VWA5A: variants seen among roughly 807,000 people sequenced by gnomAD.
VWA5A encodes von Willebrand factor A domain-containing protein 5A.
In VWA5A, 77 loss-of-function variants were observed where a neutral mutation model predicts 84.6. That is an observed-to-expected ratio of 0.91 (90% CI 0.76 to 1.10). VWA5A has a LOEUF of 1.10. Ranked by LOEUF, VWA5A falls within the 50% of genes least tolerant of loss-of-function variation. The probability of loss-of-function intolerance (pLI) is 0.00; values close to 1 mark genes in which losing one functional copy is unlikely to be tolerated. For missense variants in VWA5A, 973 were observed against 963.0 expected (o/e 1.01, Z -0.14); for synonymous variants, 334 against 350.1 (o/e 0.95, Z 0.51).
rs1864874284 is a variant in VWA5A at position 124,118,425 on chromosome 11, C to G, written c.469+14C>G. On this transcript the variant is annotated intron_variant, in intron 5 of 18. Transcript: ENST00000456829. ...ACCAGTTCTCTGGTGAGTACCTCTC[C>G]CCTTTGAATTCTAGTGGTGGGTGAC... 4.3e-6 allele frequency: 7 copies of G among 1,613,086 alleles called. No individual in the cohort carries two copies. The highest frequency in any genetic ancestry group is 2.2e-5 in the East Asian group (1 of 44,876).
chr11:124,123,567 ACT>A (rs1442417957), intron 9 of VWA5A, 91 bp from the exon 10 acceptor site: 60 of 1,609,710 alleles, frequency 3.7e-5, no homozygotes, highest in Non-Finnish European at 4.9e-5. Context: ...TTCGGATAAG[ACT>A]CTCTTTTAAT....
intron 9 of VWA5A, 98 bp from the exon 10 acceptor site, chr11:124,123,562 A>G: frequency 6.2e-7 from 1 of 1,609,830 alleles, no homozygotes; most frequent in Non-Finnish European, 8.5e-7. Context: ...GGGGTTTCGG[A>G]TAAGACTCTC....
chr11:124,144,886 G>A (rs569288788), intron 17 of VWA5A, among the ~76,000 whole-genome samples: 1 of 152,156 alleles, frequency 6.6e-6, no homozygotes, highest in South Asian at 2.1e-4. Flanking sequence ...TGGTGGGGGG[G>A]TATAAGGGTT....
intron 18 of VWA5A, 105 bp from the exon 19 acceptor site, chr11:124,145,761 A>G (rs1424652312): frequency 1.7e-6 from 2 of 1,174,044 alleles, no homozygotes; most frequent in African/African-American, 3.1e-5. Flanking sequence ...AAGCAGGGAT[A>G]TTGAGGACAG....
chr11:124,118,043 G>A, intron 4 of VWA5A, 146 bp from the exon 5 acceptor site: 1 of 1,287,822 alleles, frequency 7.8e-7, no homozygotes, highest in Non-Finnish European at 1.1e-6. Flanking sequence ...AATCATTTGG[G>A]GAAAGAAATC....
intron 15 of VWA5A, among the ~76,000 whole-genome samples, chr11:124,137,601 C>A (rs1177494367): frequency 6.6e-6 from 1 of 152,132 alleles, no homozygotes; most frequent in Non-Finnish European, 1.5e-5. Flanking sequence ...TACAATTCAC[C>A]CATTTAAAGT....
chr11:124,136,451 GC>G (rs1379703065), intron 13 of VWA5A, 122 bp from the exon 14 acceptor site: 58 of 1,421,222 alleles, frequency 4.1e-5, no homozygotes, highest in Non-Finnish European at 4.8e-5. Flanking sequence ...GGTTTCCTAG[GC>G]TACCTGATTC....
intron 11 of VWA5A, among the ~76,000 whole-genome samples, chr11:124,125,161 A>G (rs1864999829): frequency 6.6e-6 from 1 of 152,208 alleles, no homozygotes; most frequent in Admixed American, 6.5e-5. Context: ...ATTTTTCCAA[A>G]TGATTGTACT....
chr11:124,125,283 GTT>G (rs60887785), intron 11 of VWA5A, among the ~76,000 whole-genome samples: 1 of 143,972 alleles, frequency 6.9e-6, no homozygotes, highest in Non-Finnish European at 1.5e-5. Flanking sequence ...GTGTCTTATG[GTT>G]TTTTTTTTTT....
intron 11 of VWA5A, among the ~76,000 whole-genome samples, chr11:124,129,156 T>C (rs182678597): frequency 1.3e-5 from 2 of 152,348 alleles, no homozygotes; most frequent in Non-Finnish European, 1.5e-5. Flanking sequence ...ATATGTTCCA[T>C]CAATACCTAG....
chr11:124,130,716 C>T (rs1250870845), intron 11 of VWA5A, among the ~76,000 whole-genome samples: 1 of 152,048 alleles, frequency 6.6e-6, no homozygotes, highest in Non-Finnish European at 1.5e-5. Flanking sequence ...TGCATTAATC[C>T]CTTTACCATT....
intron 7 of VWA5A, among the ~76,000 whole-genome samples, chr11:124,122,467 C>T (rs1864946722): frequency 6.6e-6 from 1 of 152,194 alleles, no homozygotes; most frequent in Non-Finnish European, 1.5e-5. Flanking sequence ...GGGTATAATA[C>T]TTATACTCTC....
At chr11:124,134,210 C>T (rs1187572555) in intron 11 of VWA5A, among the ~76,000 whole-genome samples, 1 of 152,134 alleles carries the variant, frequency 6.6e-6, no homozygotes, top group Non-Finnish European at 1.5e-5. Flanking sequence ...AAGCGTAGAG[C>T]ATTGATCCTA....
chr11:124,123,736 G>A lies in VWA5A; in HGVS notation c.1096G>A (p.Gly366Ser). Residue 366 changes from glycine to serine, a missense_variant, in exon 10 of 19, where the codon GGC (glycine) becomes AGC (serine). Physicochemically the swap from Gly to Ser is moderately conservative, Grantham distance 56. Transcript: ENST00000456829. ...GAAGCTTATGCAGGCCGACCTAGGG[G>A]GCACTGAAATCTTGGCACCACTCCA... Reference protein sequence around the residue: ...RVKLMQADLGGTEILAPLQNI... With the variant: ...RVKLMQADLGSTEILAPLQNI... 5 of 1,611,204 alleles carry A rather than the reference G, an allele frequency of 3.1e-6. No individual in the cohort carries two copies. Among genetic ancestry groups the A allele is most frequent in the Non-Finnish European group, 4.2e-6 (5 of 1,179,060 alleles).
chr11:124,139,154 A>G (rs901602159), intron 15 of VWA5A, among the ~76,000 whole-genome samples: 4 of 151,658 alleles, frequency 2.6e-5, no homozygotes, highest in Non-Finnish European at 5.9e-5. Flanking sequence ...TGCAAGTACC[A>G]TGCTGTTTTG....
Position 124,123,066 on chromosome 11 carries a change from G to C in VWA5A, c.867G>C (p.Ser289=). The change falls in exon 8 of 19, where the codon TCG becomes TCC. Residue 289 remains serine, a synonymous_variant. Coordinates refer to ENST00000456829, the MANE Select transcript of VWA5A (RefSeq NM_001130142.2). ...AGTTTATCTTTCTCATGGACCGCTC[G>C]GGAAGTATGCAGAGCCCCATGAGTA... ...CGEFIFLMDR[S]GSMQSPMSSQ... The C allele has an allele frequency of 4.3e-6, 7 of 1,614,052 alleles. No individual in the cohort carries two copies. Among genetic ancestry groups the C allele is most frequent in the Non-Finnish European group, 4.2e-6 (5 of 1,180,016 alleles).
chr11:124,133,788 C>A (rs78122983), intron 11 of VWA5A, among the ~76,000 whole-genome samples: 1 of 152,154 alleles, frequency 6.6e-6, no homozygotes, highest in Non-Finnish European at 1.5e-5. Context: ...GTATTAGGAA[C>A]TGTGCTAGAT....
At chr11:124,130,908 A>T (rs969006254) in intron 11 of VWA5A, among the ~76,000 whole-genome samples, 1 of 152,134 alleles carries the variant, frequency 6.6e-6, no homozygotes, top group Non-Finnish European at 1.5e-5. Flanking sequence ...AAATGTTTTT[A>T]AAAAATTCTG....
At chr11:124,135,522 C>CTTTTTTTT (rs60188800) in intron 12 of VWA5A, among the ~76,000 whole-genome samples, 10 of 84,318 alleles carry the variant, frequency 1.2e-4, no homozygotes, top group Non-Finnish European at 1.8e-4. Flanking sequence ...GGTGGTATTT[C>CTTTTTTTT]TTTTTTTTTT....
Sources: gnomAD v4.1 joint callset for allele counts (sites outside exome capture counted in the v4.1 genomes callset) on GRCh38, gnomAD v4.1.1 for gene constraint, MANE v1.5 for transcripts, NCBI Gene and HGNC (gene_info 2026-07-23, HGNC 2026-07-21) for gene names.